The following NEMP2 variants were observed in gnomAD, a reference collection of about 807,000 sequenced individuals.
The protein encoded by NEMP2 is nuclear envelope integral membrane protein 2, also known as UPF0571 transmembrane protein.
Under a neutral mutation model 54.2 loss-of-function variants are expected in NEMP2, and 53 were observed. The observed-to-expected ratio is 0.98, with a 90% confidence interval of 0.78 to 1.23. The LOEUF is 1.23. Among genes scored for constraint, NEMP2 ranks in the 50% most tolerant of loss-of-function variants. The probability of loss-of-function intolerance (pLI) is 0.00; values close to 1 mark genes in which losing one functional copy is unlikely to be tolerated. For synonymous variants in NEMP2, 197 were observed against 190.3 expected, an observed-to-expected ratio of 1.04 and a Z score of -0.29; for missense variants, 455 against 511.3, an observed-to-expected ratio of 0.89 and a Z score of 1.06.
chr2:190,452,593 C>T, the NEMP2 span, among the ~76,000 whole-genome samples: 33 of 152,294 alleles, frequency 2.2e-4, no homozygotes, highest in East Asian at 6.4e-3. Flanking sequence ...TTCATAGGCA[C>T]AGGGTTAGAT....
rs989031540 is a variant in NEMP2 at position 190,522,814 on chromosome 2, T to C, written c.213+2449A>G. On this transcript the variant is annotated intron_variant, in intron 2 of 8. Coordinates refer to ENST00000409150, the MANE Select transcript of NEMP2 (RefSeq NM_001142645.2). This position sits in a 1 kb window ranked among gnomAD's most constrained non-coding sequence, Gnocchi z 5.0. The stretch of plus-strand genomic sequence containing the variant: ...TATTGATAATAACTCTTTCAACCAA[T>C]TGCCAATCAGAAAATTTAAAAATCT... Among the ~76,000 whole-genome samples the C allele has an allele frequency of 3.7e-4, 57 of 152,218 alleles. No homozygotes were observed. The highest frequency in any genetic ancestry group is 4.7e-4 in the Non-Finnish European group (32 of 68,048).
At chr2:190,592,859 C>T in the NEMP2 span, among the ~76,000 whole-genome samples, 1 of 152,250 alleles carries the variant, frequency 6.6e-6, no homozygotes, top group East Asian at 1.9e-4. This position sits in a 1 kb window ranked among gnomAD's most constrained non-coding sequence, Gnocchi z 4.4. Flanking sequence ...TGAAGACATA[C>T]TTCTGTATTA....
At chr2:190,603,741 CA>C in the NEMP2 span, among the ~76,000 whole-genome samples, 1 of 151,738 alleles carries the variant, frequency 6.6e-6, no homozygotes, top group East Asian at 1.9e-4. Context: ...AACAGCTTCA[CA>C]AATTTCTAGA....
chr2:190,469,593 T>G, the NEMP2 span: 1 of 349,714 alleles, frequency 2.9e-6, no homozygotes, highest in East Asian at 4.6e-5. The surrounding 1 kb of genome is among the most constrained non-coding windows in gnomAD (Gnocchi z 5.3). Context: ...GTCCTTCAGT[T>G]TTCCCACTCC....
chr2:190,634,918 G>C, the NEMP2 span, among the ~76,000 whole-genome samples: 2 of 152,204 alleles, frequency 1.3e-5, no homozygotes, highest in Non-Finnish European at 2.9e-5. The surrounding 1 kb of genome is among the most constrained non-coding windows in gnomAD (Gnocchi z 6.8). Flanking sequence ...AGACAGGACT[G>C]AGGATTCAGG....
the NEMP2 span, among the ~76,000 whole-genome samples, chr2:190,541,269 G>C: frequency 6.6e-6 from 1 of 151,956 alleles, no homozygotes; most frequent in African/African-American, 2.4e-5. This position sits in a 1 kb window ranked among gnomAD's most constrained non-coding sequence, Gnocchi z 5.2. Context: ...GGTTTGGTTT[G>C]TTCTTGTTTT....
the NEMP2 span, among the ~76,000 whole-genome samples, chr2:190,562,735 T>C: frequency 9.8e-4 from 150 of 152,314 alleles, no homozygotes; most frequent in African/African-American, 3.4e-3. The surrounding 1 kb of genome is among the most constrained non-coding windows in gnomAD (Gnocchi z 5.0). Flanking sequence ...TTAAATATCA[T>C]GTATAGCTAC....
At chr2:190,483,572 C>T in the NEMP2 span, among the ~76,000 whole-genome samples, 1 of 152,140 alleles carries the variant, frequency 6.6e-6, no homozygotes, top group African/African-American at 2.4e-5. Flanking sequence ...CGCAGTGGCT[C>T]ACGCCCGTAA....
At chr2:190,479,796 G>A in the NEMP2 span, among the ~76,000 whole-genome samples, 317 of 152,256 alleles carry the variant, frequency 2.1e-3, no homozygotes, top group Non-Finnish European at 3.6e-3. Flanking sequence ...CGAGGTCTGG[G>A]TCAGCTCTCT....
the NEMP2 span, among the ~76,000 whole-genome samples, chr2:190,566,152 A>G: frequency 6.6e-6 from 1 of 152,184 alleles, no homozygotes; most frequent in Non-Finnish European, 1.5e-5. Context: ...AGTGTATCTA[A>G]TGGATATATA....
chr2:190,642,634 G>A, the NEMP2 span, among the ~76,000 whole-genome samples: 1 of 151,744 alleles, frequency 6.6e-6, no homozygotes, highest in African/African-American at 2.4e-5. The surrounding 1 kb of genome is among the most constrained non-coding windows in gnomAD (Gnocchi z 4.1). Context: ...ATTTCATATC[G>A]CAAAATAAGG....
chr2:190,573,772 G>A, the NEMP2 span, among the ~76,000 whole-genome samples: 4 of 152,290 alleles, frequency 2.6e-5, no homozygotes, highest in East Asian at 5.8e-4. Flanking sequence ...TAATGGTAGA[G>A]CATTTTTATG....
At chr2:190,583,537 G>A in the NEMP2 span, among the ~76,000 whole-genome samples, 2 of 152,212 alleles carry the variant, frequency 1.3e-5, no homozygotes, top group African/African-American at 4.8e-5. Context: ...GGGACTTAAA[G>A]TATCACATAT....
chr2:190,571,164 T>C, the NEMP2 span, among the ~76,000 whole-genome samples: 1 of 152,216 alleles, frequency 6.6e-6, no homozygotes, highest in Non-Finnish European at 1.5e-5. Flanking sequence ...TCTAATAGAA[T>C]TTTGGAGGAT....
At chr2:190,580,475 G>T in the NEMP2 span, among the ~76,000 whole-genome samples, 19 of 152,116 alleles carry the variant, frequency 1.2e-4, no homozygotes, top group Admixed American at 8.5e-4. The surrounding 1 kb of genome is among the most constrained non-coding windows in gnomAD (Gnocchi z 5.3). Flanking sequence ...TTTTGGTCCC[G>T]TCTTCCCTGC....
rs533755826 is a variant in NEMP2, at chr2:190,517,442, G to T, written c.612+78C>A. 1.1e-5 allele frequency: 11 copies of T among 1,001,950 alleles called. No homozygotes were observed. In the African/African-American group the frequency reaches 1.8e-4, roughly 17 times the overall value. 62.1% of individuals were successfully genotyped at this position (1,001,950 alleles called of 1,614,324 possible). On this transcript the variant is annotated intron_variant, in intron 5 of 8. Coordinates refer to ENST00000409150, the MANE Select transcript of NEMP2 (RefSeq NM_001142645.2). ...TTTAAATTAGAACCTATCATAATGT[G>T]AATTAATTTTGATTAATTTTTCATG...
chr2:190,502,741 G>A (rs1019181623), downstream of NEMP2, among the ~76,000 whole-genome samples: 6 of 152,156 alleles, frequency 3.9e-5, no homozygotes, highest in Non-Finnish European at 2.9e-5. This position sits in a 1 kb window ranked among gnomAD's most constrained non-coding sequence, Gnocchi z 4.4. Flanking sequence ...CTGCCAATTT[G>A]GAGTTCAGCA....
chr2:190,549,851 G>T, the NEMP2 span, among the ~76,000 whole-genome samples: 1 of 152,130 alleles, frequency 6.6e-6, no homozygotes, highest in Non-Finnish European at 1.5e-5. Flanking sequence ...AAAGCAAAAC[G>T]TTTGGGAAAT....
the NEMP2 span, among the ~76,000 whole-genome samples, chr2:190,637,470 T>G: frequency 3.9e-5 from 6 of 152,264 alleles, no homozygotes; most frequent in Non-Finnish European, 7.3e-5. The surrounding 1 kb of genome is among the most constrained non-coding windows in gnomAD (Gnocchi z 4.5). Flanking sequence ...AATTTCATCT[T>G]CTGCCTCTGC....
Sources: allele counts gnomAD v4.1 joint callset (sites outside exome capture counted in the v4.1 genomes callset), GRCh38; gene constraint gnomAD v4.1.1; non-coding constraint Gnocchi (gnomAD v3.1); transcripts MANE v1.5; gene names NCBI Gene and HGNC (gene_info 2026-07-23, HGNC 2026-07-21).